Variants in NAV2 observed in about 807,000 individuals in gnomAD.
The protein encoded by NAV2 is neuron navigator 2.
NAV2 carries 54 observed loss-of-function variants against 223.2 expected under a neutral mutation model. The ratio of observed to expected loss-of-function variants is 0.24; its 90% CI spans 0.19 to 0.30. The LOEUF is 0.30. Among genes scored for constraint, NAV2 ranks in the 10% least tolerant of loss-of-function variants. The pLI, the probability that NAV2 is intolerant of heterozygous loss-of-function variation, is 1.00. For missense variants in NAV2, 2,806 were observed against 3,147.5 expected, an observed-to-expected ratio of 0.89 and a Z score of 2.60; for synonymous variants, 1,279 against 1,239.3, an observed-to-expected ratio of 1.03 and a Z score of -0.67.
chr11:19,893,367 G>A (rs1311407826), intron 6 of NAV2, among the ~76,000 whole-genome samples: 1 of 152,140 alleles, frequency 6.6e-6, no homozygotes, highest in Non-Finnish European at 1.5e-5. Context: ...GACATCTTTA[G>A]GAAATATGTC....
At chr11:19,384,182 C>A (rs115645253) in intron 1 of NAV2, among the ~76,000 whole-genome samples, 1 of 152,102 alleles carries the variant, frequency 6.6e-6, no homozygotes, top group South Asian at 2.1e-4. Context: ...GAGACAAAAA[C>A]GTATATATGC....
chr11:19,907,973 G>A (rs577871762), intron 6 of NAV2, among the ~76,000 whole-genome samples: 1 of 152,338 alleles, frequency 6.6e-6, no homozygotes, highest in East Asian at 1.9e-4. Flanking sequence ...CCCCAGGAAA[G>A]GAGCAGGGAG....
chr11:19,403,346 C>T (rs557357877), intron 1 of NAV2, among the ~76,000 whole-genome samples: 39 of 152,246 alleles, frequency 2.6e-4, no homozygotes, highest in African/African-American at 8.4e-4. Context: ...CAATGATACT[C>T]TAGTGCAATA....
chr11:19,933,481 G>C lies in NAV2; in HGVS notation c.1237G>C (p.Gly413Arg). ...EKLKLFNSKG[G>R]SKAGEGPGSR... is the part of the protein sequence containing the mutation. ...GCTGAAACTTTTCAACAGTAAAGGG[G>C]GCTCAAAGGCAGGTGAGGGGCCGGG... Residue 413 changes from glycine to arginine, a missense_variant, in exon 7 of 38, where the codon GGC (glycine) becomes CGC (arginine). Physicochemically the swap from Gly to Arg is moderately radical, Grantham distance 125. Coordinates refer to ENST00000349880, the MANE Select transcript of NAV2 (RefSeq NM_145117.5). The surrounding 1 kb of genome is among the most constrained non-coding windows in gnomAD (Gnocchi z 4.3). 6.2e-7 allele frequency: 1 copy of C among 1,610,780 alleles called. No individual in the cohort carries two copies. The highest frequency in any genetic ancestry group is 1.3e-5 in the African/African-American group (1 of 74,848).
In NAV2 at chr11:19,441,868, A is replaced by T. The variant is rs187039108; in HGVS notation, c.75+90841A>T. On this transcript the variant is annotated intron_variant, in intron 1 of 37. Transcript: ENST00000360655. The stretch of plus-strand genomic sequence containing the variant: ...GAAAGCAAGCATTAGCACGTATTCA[A>T]TTTGGTCTGGGAGCTCTCCTCTGGA... 6.3e-3 allele frequency among the ~76,000 whole-genome samples: 953 copies of T among 152,294 alleles called. 10 individuals are homozygous for T. Among genetic ancestry groups the T allele is most frequent in the African/African-American group, 0.021 (892 of 41,562 alleles).
Position 19,504,349 on chromosome 11 carries a change from C to T in NAV2, c.75+153322C>T, listed in dbSNP as rs1040304768. The T allele has an allele frequency of 6.6e-5, 10 of 152,350 alleles. No homozygotes were observed. In the South Asian group the frequency reaches 2.1e-3, roughly 32 times the overall value. The allele number at this position is 152,350 out of a possible 1,614,324, so 9.4% of individuals were successfully genotyped here. A position where few individuals can be genotyped will look rare whatever the true frequency, so the allele number is the denominator to read the frequency against. On this transcript the variant is annotated intron_variant, in intron 1 of 37. Transcript: ENST00000360655. ...AGGCTCATGATGGTGACATTAAGATCTTTCAAGGCTTCAATCCTACTGTCA... is the reference window on the plus strand; with the variant it reads ...AGGCTCATGATGGTGACATTAAGATTTTTCAAGGCTTCAATCCTACTGTCA...
chr11:19,501,442 G>A (rs1372732990), intron 1 of NAV2, among the ~76,000 whole-genome samples: 3 of 151,798 alleles, frequency 2.0e-5, no homozygotes, highest in Non-Finnish European at 4.4e-5. Flanking sequence ...TTTTCTTTCT[G>A]GTTGATGGTA....
At chr11:19,951,523 C>T (rs1434891750) in intron 10 of NAV2, among the ~76,000 whole-genome samples, 1 of 152,012 alleles carries the variant, frequency 6.6e-6, no homozygotes, top group Non-Finnish European at 1.5e-5. Context: ...TTATCAATTC[C>T]CATTTTCATA....
chr11:19,791,032 A>C (rs994661388), intron 1 of NAV2, among the ~76,000 whole-genome samples: 1 of 152,142 alleles, frequency 6.6e-6, no homozygotes, highest in African/African-American at 2.4e-5. Context: ...TATTATCCTA[A>C]TATGATAGAT....
chr11:19,653,100 G>T (rs923886472), intron 1 of NAV2, among the ~76,000 whole-genome samples: 20 of 152,094 alleles, frequency 1.3e-4, no homozygotes, highest in African/African-American at 4.6e-4. Context: ...TCCCCATTCA[G>T]CTCAGCCTCT....
intron 1 of NAV2, among the ~76,000 whole-genome samples, chr11:19,489,120 G>C (rs769378548): frequency 1.7e-4 from 26 of 152,206 alleles, no homozygotes; most frequent in African/African-American, 1.7e-4. Context: ...GTATCCAGAA[G>C]GTTCCCTTTA....
At chr11:19,422,335 G>A (rs1850649122) in intron 1 of NAV2, among the ~76,000 whole-genome samples, 1 of 152,310 alleles carries the variant, frequency 6.6e-6, no homozygotes, top group African/African-American at 2.4e-5. Flanking sequence ...GTGCTTTTAA[G>A]AGGCCTTCAT....
intron 1 of NAV2, among the ~76,000 whole-genome samples, chr11:19,546,156 C>G (rs1014175493): frequency 1.3e-5 from 2 of 152,126 alleles, no homozygotes; most frequent in African/African-American, 2.4e-5. Flanking sequence ...GCATAGGAGA[C>G]AAGTATGTAG....
chr11:19,578,485 G>C (rs2045629098), intron 1 of NAV2, among the ~76,000 whole-genome samples: 1 of 152,212 alleles, frequency 6.6e-6, no homozygotes, highest in African/African-American at 2.4e-5. Flanking sequence ...GGCCACACAT[G>C]CAGGGGGTGA....
chr11:19,743,526 G>A (rs1298744161), intron 1 of NAV2, among the ~76,000 whole-genome samples: 1 of 152,212 alleles, frequency 6.6e-6, no homozygotes, highest in African/African-American at 2.4e-5. Flanking sequence ...AGGTGGGAAT[G>A]CCTAGTGCCT....
chr11:19,482,585 T>C (rs1040658994), intron 1 of NAV2, among the ~76,000 whole-genome samples: 1 of 152,248 alleles, frequency 6.6e-6, no homozygotes, highest in East Asian at 1.9e-4. Flanking sequence ...GGGGAGTTAG[T>C]GTGAGCTACT....
chr11:19,486,343 G>A (rs2042445266), intron 1 of NAV2, among the ~76,000 whole-genome samples: 1 of 152,092 alleles, frequency 6.6e-6, no homozygotes, highest in African/African-American at 2.4e-5. Context: ...CAGGCCTTTG[G>A]TCTTTCTGGT....
intron 1 of NAV2, among the ~76,000 whole-genome samples, chr11:19,822,163 A>G (rs1216282824): frequency 6.6e-6 from 1 of 152,178 alleles, no homozygotes; most frequent in Non-Finnish European, 1.5e-5. Flanking sequence ...AGGCATTGGT[A>G]GATTATCTCA....
At chr11:19,703,758 T>C (rs1018072203) in intron 1 of NAV2, among the ~76,000 whole-genome samples, 6 of 152,236 alleles carry the variant, frequency 3.9e-5, no homozygotes, top group African/African-American at 1.2e-4. Context: ...GCAAAGCCTT[T>C]GCAGCGCTTC....
Sources: allele counts gnomAD v4.1 joint callset (sites outside exome capture counted in the v4.1 genomes callset), GRCh38; gene constraint gnomAD v4.1.1; non-coding constraint Gnocchi (gnomAD v3.1); transcripts MANE v1.5; gene names NCBI Gene and HGNC (gene_info 2026-07-23, HGNC 2026-07-21).